The following WDR7 variants were observed in gnomAD, a reference collection of about 807,000 sequenced individuals.
The protein encoded by WDR7 is WD repeat domain 7.
A neutral mutation model predicts 169.4 loss-of-function variants in WDR7; 46 were observed. That is an observed-to-expected ratio of 0.27 (90% CI 0.21 to 0.35). The LOEUF is 0.35. WDR7 is among the 10% of genes least tolerant of loss of function. The probability of loss-of-function intolerance (pLI) is 1.00; values close to 1 mark genes in which losing one functional copy is unlikely to be tolerated. For missense variants in WDR7, 1,534 were observed against 1,859.3 expected (o/e 0.83, Z 3.22); for synonymous variants, 612 against 666.8 (o/e 0.92, Z 1.27).
chr18:56,754,332 TAC>T (rs143295529), intron 14 of WDR7, among the ~76,000 whole-genome samples: 5,748 of 150,684 alleles, frequency 0.038, 366 homozygotes, highest in African/African-American at 0.13. Flanking sequence ...TGTGTATATA[TAC>T]GTATATATGT....
chr18:56,793,614 TAATTAATTCTGC>T (rs2044531080), intron 19 of WDR7, among the ~76,000 whole-genome samples: 1 of 152,250 alleles, frequency 6.6e-6, no homozygotes, highest in Admixed American at 6.5e-5. Context: ...AATTCTTATG[TAATTAATTCTGC>T]ACATACTTGC....
chr18:57,019,960 T>C (rs1158062751), intron 26 of WDR7, among the ~76,000 whole-genome samples: 1 of 152,274 alleles, frequency 6.6e-6, no homozygotes, highest in Non-Finnish European at 1.5e-5. Context: ...TACAATATTA[T>C]GCTAATTTGC....
chr18:56,840,554 C>T (rs544113087), intron 20 of WDR7, among the ~76,000 whole-genome samples: 1 of 152,138 alleles, frequency 6.6e-6, no homozygotes, highest in Admixed American at 6.5e-5. Flanking sequence ...GACACAGTGG[C>T]TCACTCCTGC....
chr18:56,946,491 C>T (rs935720290), intron 25 of WDR7, among the ~76,000 whole-genome samples: 1 of 152,202 alleles, frequency 6.6e-6, no homozygotes, highest in South Asian at 2.1e-4. Flanking sequence ...CTCGTATAAC[C>T]GGTGTTAATT....
At chr18:56,937,418 A>T (rs968783326) in intron 23 of WDR7, among the ~76,000 whole-genome samples, 1 of 152,094 alleles carries the variant, frequency 6.6e-6, no homozygotes, top group Non-Finnish European at 1.5e-5. Context: ...AACAACACAC[A>T]CAAGTTTTCC....
chr18:56,722,027 C>T (rs2026333786), intron 13 of WDR7, among the ~76,000 whole-genome samples: 1 of 152,130 alleles, frequency 6.6e-6, no homozygotes. Flanking sequence ...TGATATTTCT[C>T]TTTTTGCATG....
At chr18:57,030,784 A>G (rs1394789393), downstream of WDR7, 5 of 152,166 alleles carry the variant, frequency 3.3e-5, no homozygotes, top group Admixed American at 2.0e-4. Context: ...TTTTTGTGCA[A>G]TGGTTTAGAG....
chr18:56,854,149 A>G (rs1252775112), intron 20 of WDR7, among the ~76,000 whole-genome samples: 1 of 152,164 alleles, frequency 6.6e-6, no homozygotes, highest in Non-Finnish European at 1.5e-5. Flanking sequence ...CCAGCAAGCA[A>G]ACAATCAGTT....
chr18:56,999,900 C>G (rs767271085), intron 26 of WDR7, among the ~76,000 whole-genome samples: 6 of 152,094 alleles, frequency 3.9e-5, no homozygotes, highest in Non-Finnish European at 7.4e-5. Flanking sequence ...GAAGGGATCT[C>G]CCATCTTTTG....
At chr18:57,013,952 C>T (rs1340211174) in intron 26 of WDR7, among the ~76,000 whole-genome samples, 1 of 152,162 alleles carries the variant, frequency 6.6e-6, no homozygotes, top group African/African-American at 2.4e-5. Context: ...ATAAAATAAG[C>T]ATATGCTGGC....
chr18:56,909,583 T>A (rs543435314), intron 21 of WDR7, among the ~76,000 whole-genome samples: 1 of 152,124 alleles, frequency 6.6e-6, no homozygotes, highest in Non-Finnish European at 1.5e-5. Context: ...AATTTTGAAG[T>A]ATTTGGACAT....
At chr18:56,823,118 G>A (rs186201764) in intron 20 of WDR7, among the ~76,000 whole-genome samples, 12 of 152,102 alleles carry the variant, frequency 7.9e-5, no homozygotes, top group African/African-American at 2.6e-4. Flanking sequence ...TTCTTTTCTC[G>A]TATTTTCTCT....
chr18:56,898,924 A>C (rs2145556679), intron 21 of WDR7, among the ~76,000 whole-genome samples: 1 of 152,238 alleles, frequency 6.6e-6, no homozygotes, highest in South Asian at 2.1e-4. Flanking sequence ...AATTCTGTGA[A>C]ATCTCTGTAT....
At chr18:56,722,786 T>C (rs17682755) in intron 13 of WDR7, among the ~76,000 whole-genome samples, 2,186 of 152,260 alleles carry the variant, frequency 0.014, 22 homozygotes, top group Non-Finnish European at 0.025. Context: ...TCACTAAGTC[T>C]TTCCCATTAG....
At chr18:56,895,584 G>C (rs9954894) in intron 21 of WDR7, among the ~76,000 whole-genome samples, 123,945 of 151,548 alleles carry the variant, frequency 0.82, 51,050 homozygotes, top group East Asian at 0.98. Flanking sequence ...TTATGGCTAC[G>C]AAATGAAATT....
chr18:56,768,923 A>T (rs1453708165), intron 16 of WDR7, among the ~76,000 whole-genome samples: 3 of 152,216 alleles, frequency 2.0e-5, no homozygotes, highest in Non-Finnish European at 2.9e-5. Context: ...GATAGTTAAG[A>T]TAGTTCAGCT....
chr18:56,748,949 TCTTC>T (rs900014309), intron 14 of WDR7, among the ~76,000 whole-genome samples: 38 of 151,930 alleles, frequency 2.5e-4, no homozygotes, highest in African/African-American at 4.6e-4. Context: ...CCTTTCTCCT[TCTTC>T]CTTCCTTCCT....
At chr18:56,846,462 T>C (rs1396162261) in intron 20 of WDR7, among the ~76,000 whole-genome samples, 1 of 152,124 alleles carries the variant, frequency 6.6e-6, no homozygotes, top group Non-Finnish European at 1.5e-5. Context: ...GCTTTTTCCT[T>C]ATTTTTCACT....
chr18:56,937,729 C>A (rs73442705), intron 23 of WDR7, among the ~76,000 whole-genome samples: 18,211 of 152,068 alleles, frequency 0.12, 3,545 homozygotes, highest in African/African-American at 0.41. Flanking sequence ...TGGTTAAAGT[C>A]TTATTTGCAG....
Sources: allele counts gnomAD v4.1 joint callset (sites outside exome capture counted in the v4.1 genomes callset), GRCh38; gene constraint gnomAD v4.1.1; transcripts MANE v1.5; gene names NCBI Gene and HGNC (gene_info 2026-07-23, HGNC 2026-07-21).